NCKAP5: variants seen among roughly 807,000 people sequenced by gnomAD.
The protein encoded by NCKAP5 is NCK associated protein 5, also known as nck-associated protein 5.
A neutral mutation model predicts 167.0 loss-of-function variants in NCKAP5; 92 were observed. The observed-to-expected ratio is 0.55, with a 90% CI of 0.47 to 0.66. The LOEUF is 0.66. NCKAP5 is among the 30% of genes least tolerant of loss of function. NCKAP5 has a pLI of 0.00. For missense variants in NCKAP5, 2,378 were observed against 2,315.0 expected, an observed-to-expected ratio of 1.03 and a Z score of -0.56; for synonymous variants, 891 against 877.4, an observed-to-expected ratio of 1.02 and a Z score of -0.27.
At chr2:133,122,858 T>C (rs1272392863) in intron 6 of NCKAP5, 1 of 152,202 alleles carries the variant, frequency 6.6e-6, no homozygotes, top group Non-Finnish European at 1.5e-5. Flanking sequence ...AATAAGTAAG[T>C]ACATTTCATT....
chr2:132,920,763 A>ATGTATG (rs1558943131), intron 8 of NCKAP5, among the ~76,000 whole-genome samples: 45 of 69,264 alleles, frequency 6.5e-4, no homozygotes, highest in African/African-American at 2.8e-3. Flanking sequence ...ATATGTATAT[A>ATGTATG]TATGTATGTA....
chr2:132,737,299 T>C (rs776496901), intron 16 of NCKAP5, among the ~76,000 whole-genome samples: 1 of 152,138 alleles, frequency 6.6e-6, no homozygotes, highest in South Asian at 2.1e-4. Flanking sequence ...CTTGAATACA[T>C]TCCCTTGCAT....
chr2:133,512,286 A>G (rs1683560818), intron 3 of NCKAP5, among the ~76,000 whole-genome samples: 2 of 152,202 alleles, frequency 1.3e-5, no homozygotes, highest in Admixed American at 1.3e-4. Flanking sequence ...TGTACCTTTG[A>G]TAACAGCCTA....
chr2:132,759,714 G>A (rs1021899385), intron 16 of NCKAP5, among the ~76,000 whole-genome samples: 13 of 151,822 alleles, frequency 8.6e-5, no homozygotes, highest in African/African-American at 2.9e-4. Flanking sequence ...CAATTTTCCT[G>A]TGTTGATGTT....
At chr2:132,932,177 C>G (rs1246973527) in intron 8 of NCKAP5, among the ~76,000 whole-genome samples, 1 of 152,154 alleles carries the variant, frequency 6.6e-6, no homozygotes, top group Admixed American at 6.6e-5. Context: ...TTATATGCCA[C>G]AGCTTTATTT....
At chr2:133,208,159 C>A (rs542244035) in intron 5 of NCKAP5, among the ~76,000 whole-genome samples, 1 of 152,082 alleles carries the variant, frequency 6.6e-6, no homozygotes, top group East Asian at 1.9e-4. Context: ...GACAACATGG[C>A]GAGACCCTGT....
intron 3 of NCKAP5, among the ~76,000 whole-genome samples, chr2:133,498,967 G>T (rs141089295): frequency 6.6e-6 from 1 of 152,342 alleles, no homozygotes; most frequent in African/African-American, 2.4e-5. Flanking sequence ...TCATGCCTGG[G>T]TTGGCGACCT....
chr2:133,555,604 A>C (rs888420750), intron 2 of NCKAP5, among the ~76,000 whole-genome samples: 3 of 152,206 alleles, frequency 2.0e-5, no homozygotes, highest in African/African-American at 7.2e-5. Flanking sequence ...CTTCTCTTTA[A>C]CTTCCATTCT....
At chr2:133,266,338 T>C (rs1039271706) in intron 4 of NCKAP5, 8 of 152,600 alleles carry the variant, frequency 5.2e-5, no homozygotes, top group African/African-American at 1.2e-4. Flanking sequence ...GAGGGAGGCA[T>C]TGAGTCAGAG....
At chr2:133,518,965 G>A (rs1302611035) in intron 2 of NCKAP5, among the ~76,000 whole-genome samples, 2 of 152,216 alleles carry the variant, frequency 1.3e-5, no homozygotes, top group Non-Finnish European at 2.9e-5. Context: ...TGATGCAGAA[G>A]AGATGAAATA....
the NCKAP5 span, among the ~76,000 whole-genome samples, chr2:133,599,033 C>G: frequency 1.3e-5 from 2 of 152,182 alleles, no homozygotes; most frequent in African/African-American, 4.8e-5. Flanking sequence ...AAATCTCCCA[C>G]TCTTTGTAAG....
intron 6 of NCKAP5, among the ~76,000 whole-genome samples, chr2:133,005,067 A>G (rs1028469321): frequency 6.6e-6 from 1 of 152,216 alleles, no homozygotes; most frequent in African/African-American, 2.4e-5. Context: ...CCCAGATTTC[A>G]TATTGTTCAA....
intron 4 of NCKAP5, among the ~76,000 whole-genome samples, chr2:133,240,587 T>G (rs2087648422): frequency 1.3e-5 from 2 of 152,334 alleles, no homozygotes; most frequent in South Asian, 4.1e-4. Context: ...ATTCACTAAT[T>G]TCATGTGGAA....
At chr2:133,611,808 T>C in the NCKAP5 span, among the ~76,000 whole-genome samples, 12,913 of 152,204 alleles carry the variant, frequency 0.085, 1,080 homozygotes, top group East Asian at 0.22. Context: ...TGTTTTCAAG[T>C]GACGAATCTT....
At position 132,784,878 on chromosome 2, in the gene NCKAP5, TA is replaced by T. The variant is rs1340559550; in HGVS notation, c.1932del (p.Arg645GlyfsTer14). 1 of 1,562,488 alleles carries T rather than the reference TA, an allele frequency of 6.4e-7. No homozygotes were observed. Among genetic ancestry groups the T allele is most frequent in the Non-Finnish European group, 8.7e-7 (1 of 1,155,536 alleles). Reference protein sequence around the residue: ...EEKQVPIPSETRPKTFSFIKQ... With the variant: ...EEKQVPIPSEXRPKTFSFIKQ... Reference sequence around the variant, plus strand: ...TTAATGAAACTAAAAGTCTTTGGCCTAGTCTCTGAAGGGATGGGCACTTGTT... The same window carrying T: ...TTAATGAAACTAAAAGTCTTTGGCCTGTCTCTGAAGGGATGGGCACTTGTT... On this transcript the variant is annotated frameshift_variant, in exon 14 of 20. Coordinates refer to ENST00000409261, the MANE Select transcript of NCKAP5 (RefSeq NM_207363.3). LOFTEE classifies it high-confidence loss of function.
intron 8 of NCKAP5, among the ~76,000 whole-genome samples, chr2:132,881,881 A>G (rs1348671624): frequency 6.6e-6 from 1 of 151,242 alleles, no homozygotes; most frequent in Non-Finnish European, 1.5e-5. Context: ...TCTTTCACCT[A>G]CCTATTTAAG....
chr2:133,078,399 G>A (rs1397697966), intron 6 of NCKAP5, among the ~76,000 whole-genome samples: 7 of 152,168 alleles, frequency 4.6e-5, no homozygotes, highest in Admixed American at 3.9e-4. Context: ...TGGGGGCTAA[G>A]TGGGAGTTCA....
intron 3 of NCKAP5, among the ~76,000 whole-genome samples, chr2:133,453,727 G>A (rs1391669406): frequency 6.6e-6 from 1 of 152,006 alleles, no homozygotes; most frequent in Non-Finnish European, 1.5e-5. Flanking sequence ...TGAATGGAAG[G>A]AAGAAACAAA....
At chr2:132,932,339 T>G (rs1696445231) in intron 8 of NCKAP5, among the ~76,000 whole-genome samples, 1 of 152,194 alleles carries the variant, frequency 6.6e-6, no homozygotes, top group Non-Finnish European at 1.5e-5. Context: ...TTTTTGTGTG[T>G]GGGTGTGTGT....
Sources: allele counts gnomAD v4.1 joint callset (sites outside exome capture counted in the v4.1 genomes callset), GRCh38; gene constraint gnomAD v4.1.1; transcripts MANE v1.5; gene names NCBI Gene and HGNC (gene_info 2026-07-23, HGNC 2026-07-21).